TMCC1: variants seen among roughly 807,000 people sequenced by gnomAD.
TMCC1 encodes the protein transmembrane and coiled-coil domains protein 1.
Under a neutral mutation model 52.4 loss-of-function variants are expected in TMCC1, and 15 were observed. That is an observed-to-expected ratio of 0.29 (90% CI 0.19 to 0.44). The LOEUF is 0.44. Ranked by LOEUF, TMCC1 falls within the 20% of genes least tolerant of loss-of-function variation. TMCC1 has a pLI of 1.00. For synonymous variants in TMCC1, 279 were observed against 301.9 expected (o/e 0.92, Z 0.79); for missense variants, 503 against 806.0 (o/e 0.62, Z 4.55).
At chr3:129,702,441 A>G (rs1301559983) in intron 4 of TMCC1, among the ~76,000 whole-genome samples, 2 of 152,172 alleles carry the variant, frequency 1.3e-5, no homozygotes, top group African/African-American at 2.4e-5. Context: ...AAATCATTAA[A>G]ATTTCCCCAA....
At chr3:129,753,588 A>AT (rs1408825053) in intron 4 of TMCC1, among the ~76,000 whole-genome samples, 1 of 152,210 alleles carries the variant, frequency 6.6e-6, no homozygotes, top group Admixed American at 6.5e-5. Flanking sequence ...GTCTAAATAA[A>AT]TTTTTTAAAA....
intron 2 of TMCC1, among the ~76,000 whole-genome samples, chr3:129,840,644 T>C (rs1241812076): frequency 3.3e-5 from 5 of 152,160 alleles, no homozygotes; most frequent in East Asian, 1.9e-4. Flanking sequence ...GGTTTCCCCC[T>C]GTTCTTGTGA....
At chr3:129,892,130 T>TAA (rs2061994759) in intron 1 of TMCC1, among the ~76,000 whole-genome samples, 1 of 152,076 alleles carries the variant, frequency 6.6e-6, no homozygotes, top group Non-Finnish European at 1.5e-5. Flanking sequence ...TAATCAATGC[T>TAA]CATAATTATA....
rs61105005 is a variant in TMCC1, at chr3:129,676,036, C to CAAAAAA, written c.577-4778_577-4773dup. On this transcript the variant is annotated intron_variant, in intron 4 of 6. Coordinates refer to ENST00000393238, the MANE Select transcript of TMCC1 (RefSeq NM_001017395.5). ...TGGGCGACAGAGCGAGACTCTGTCT[C>CAAAAAA]AAAAAAAAAAAAAAAAAAAAAAAAA... 1.6e-3 allele frequency among the ~76,000 whole-genome samples: 75 copies of CAAAAAA among 46,318 alleles called. 3 individuals carry two copies. The highest frequency in any genetic ancestry group is 5.3e-3 in the African/African-American group (65 of 12,152). The allele number at this position is 46,318 out of a possible 152,430, so 30.4% of individuals were successfully genotyped here.
intron 4 of TMCC1, among the ~76,000 whole-genome samples, chr3:129,817,904 C>A (rs934839400): frequency 1.3e-5 from 2 of 152,082 alleles, no homozygotes; most frequent in East Asian, 3.9e-4. Flanking sequence ...CCTCTGCCTC[C>A]CAAGTTCAAG....
chr3:129,833,985 G>A (rs749737995), intron 2 of TMCC1, among the ~76,000 whole-genome samples: 5 of 152,132 alleles, frequency 3.3e-5, no homozygotes, highest in African/African-American at 1.2e-4. Flanking sequence ...CCCTGCCCTC[G>A]AGGAATTAAT....
At chr3:129,720,152 A>C (rs1270344601) in intron 4 of TMCC1, among the ~76,000 whole-genome samples, 1 of 148,332 alleles carries the variant, frequency 6.7e-6, no homozygotes, top group Admixed American at 6.8e-5. Flanking sequence ...AGTGCACTCT[A>C]GCCTGGGCAA....
At chr3:129,715,637 C>A (rs2049022169) in intron 4 of TMCC1, among the ~76,000 whole-genome samples, 1 of 152,130 alleles carries the variant, frequency 6.6e-6, no homozygotes, top group African/African-American at 2.4e-5. Context: ...TATTGACATT[C>A]CTTATTTTCC....
chr3:129,652,984 C>T (rs903819116), intron 6 of TMCC1, among the ~76,000 whole-genome samples: 6 of 152,200 alleles, frequency 3.9e-5, no homozygotes, highest in Admixed American at 1.3e-4. Context: ...TGTATTGGCT[C>T]AGAATAAACC....
chr3:129,710,885 G>C (rs556003128), intron 4 of TMCC1, among the ~76,000 whole-genome samples: 1 of 152,258 alleles, frequency 6.6e-6, no homozygotes, highest in East Asian at 1.9e-4. Context: ...ATTTTCTTGA[G>C]ATGGAGTCTC....
chr3:129,732,581 T>G (rs2050628507), intron 4 of TMCC1, among the ~76,000 whole-genome samples: 1 of 152,200 alleles, frequency 6.6e-6, no homozygotes, highest in Non-Finnish European at 1.5e-5. Flanking sequence ...GGATTCCCCT[T>G]TCTCATTACC....
intron 2 of TMCC1, among the ~76,000 whole-genome samples, chr3:129,869,396 T>A (rs1450972269): frequency 6.6e-6 from 1 of 152,164 alleles, no homozygotes; most frequent in East Asian, 1.9e-4. Context: ...TTTCCTGAGT[T>A]CTATGAGTCT....
chr3:129,804,756 A>G (rs1560455799), intron 4 of TMCC1, among the ~76,000 whole-genome samples: 1 of 152,170 alleles, frequency 6.6e-6, no homozygotes, highest in Non-Finnish European at 1.5e-5. Context: ...CATAGAGCTT[A>G]TAGCACACCA....
chr3:129,885,063 C>T (rs62265602), intron 1 of TMCC1, among the ~76,000 whole-genome samples: 6,053 of 151,886 alleles, frequency 0.04, 209 homozygotes, highest in Non-Finnish European at 0.053. Flanking sequence ...TGCTTGAACC[C>T]GGGAGGTCCA....
At chr3:129,743,679 A>G (rs761648983) in intron 4 of TMCC1, among the ~76,000 whole-genome samples, 1 of 152,194 alleles carries the variant, frequency 6.6e-6, no homozygotes, top group Admixed American at 6.5e-5. Flanking sequence ...TCTTCATTCT[A>G]AACAATTTAT....
At chr3:129,665,685 G>C (rs981801974) in intron 5 of TMCC1, among the ~76,000 whole-genome samples, 4 of 152,088 alleles carry the variant, frequency 2.6e-5, no homozygotes, top group African/African-American at 9.7e-5. Context: ...TTTCGGGATT[G>C]AGCTTTGAAA....
rs537004933 is a variant in TMCC1 at position 129,667,295 on chromosome 3, C to CA, written c.1511+3034dup. ...TTATGTGAAAGCATTCAAAGATCAACAAAATTAGATGAATATGTTTACTGT... is the reference window on the plus strand; with the variant it reads ...TTATGTGAAAGCATTCAAAGATCAACAAAAATTAGATGAATATGTTTACTGT... On this transcript the variant is annotated intron_variant, in intron 5 of 6. Coordinates refer to ENST00000393238, the MANE Select transcript of TMCC1 (RefSeq NM_001017395.5). 4.1e-3 allele frequency among the ~76,000 whole-genome samples: 564 copies of CA among 136,952 alleles called. 6 individuals are homozygous for CA. Among genetic ancestry groups the CA allele is most frequent in the African/African-American group, 0.014 (536 of 37,048 alleles). The allele number at this position is 136,952 out of a possible 152,430, so 89.8% of individuals were successfully genotyped here.
Position 129,828,422 on chromosome 3 carries a change from T to C in TMCC1, c.-44A>G, listed in dbSNP as rs764389560. The C allele has an allele frequency of 6.4e-7, 1 of 1,572,718 alleles. No homozygotes were observed. Among genetic ancestry groups the C allele is most frequent in the Non-Finnish European group, 8.6e-7 (1 of 1,157,492 alleles). On this transcript the variant is annotated 5_prime_UTR_variant, in exon 4 of 7. Coordinates refer to ENST00000393238, the MANE Select transcript of TMCC1 (RefSeq NM_001017395.5). The surrounding 1 kb of genome is among the most constrained non-coding windows in gnomAD (Gnocchi z 4.1). ...TATTTGCAAACTCAAAAAAATTTTT[T>C]AAACACACCAAGAGTGTCAAATTAG...
At chr3:129,764,563 G>A (rs2053917255) in intron 4 of TMCC1, among the ~76,000 whole-genome samples, 1 of 151,992 alleles carries the variant, frequency 6.6e-6, no homozygotes, top group Non-Finnish European at 1.5e-5. Context: ...AAGCAGAACT[G>A]TAATCAATAT....
Sources: allele counts gnomAD v4.1 joint callset (sites outside exome capture counted in the v4.1 genomes callset), GRCh38; gene constraint gnomAD v4.1.1; non-coding constraint Gnocchi (gnomAD v3.1); transcripts MANE v1.5; gene names NCBI Gene and HGNC (gene_info 2026-07-23, HGNC 2026-07-21).